The following RAD54L2 variants were observed in gnomAD, a reference collection of about 807,000 sequenced individuals.
The protein encoded by RAD54L2 is helicase ARIP4.
RAD54L2 carries 27 observed loss-of-function variants against 138.4 expected under a neutral mutation model. That is an observed-to-expected ratio of 0.20 (90% CI 0.14 to 0.27). RAD54L2 has a LOEUF of 0.27. RAD54L2 is among the 10% of genes least tolerant of loss of function. The pLI, the probability that RAD54L2 is intolerant of heterozygous loss-of-function variation, is 1.00. For missense variants in RAD54L2, 1,396 were observed against 1,890.2 expected, an observed-to-expected ratio of 0.74 and a Z score of 4.85; for synonymous variants, 644 against 723.2, an observed-to-expected ratio of 0.89 and a Z score of 1.76.
intron 15 of RAD54L2, 82 bp downstream of exon 15, chr3:51,641,949 T>G: frequency 1.0e-6 from 1 of 965,246 alleles, no homozygotes; most frequent in Non-Finnish European, 1.6e-6. Context: ...TTTCTCTTTC[T>G]CCACTCCATC....
chr3:51,607,070 TTTTTTTTATTTTTTTA>T (rs1367107953), intron 3 of RAD54L2, among the ~76,000 whole-genome samples: 1 of 143,136 alleles, frequency 7.0e-6, no homozygotes, highest in African/African-American at 2.7e-5. Flanking sequence ...CTCTTTTTAT[TTTTTTTTATTTTTTTA>T]TTTTTTATTT....
chr3:51,590,603 C>T, intron 3 of RAD54L2, 44 bp downstream of exon 3: 3 of 1,552,268 alleles, frequency 1.9e-6, no homozygotes, highest in South Asian at 1.2e-5. Flanking sequence ...TTATATTTTC[C>T]TCCAGTGGAA....
Position 51,635,607 on chromosome 3 carries a change from G to A in RAD54L2, c.1157G>A (p.Arg386His), listed in dbSNP as rs1401928784. ...TCATCTTGCAGGACGATGGCATCTC[G>A]TGCTAAAGTGATGGCTGATTGGGTG... ...LNDEHKTMASRAKVMADWVSE... is the reference protein window; with the variant it reads ...LNDEHKTMASHAKVMADWVSE... The change falls in exon 10 of 23, where the codon CGT becomes CAT. Residue 386 changes from arginine (R) to histidine (H), a missense_variant. Around this residue, in one of 7 missense-constraint regions of RAD54L2, gnomAD observed 169 missense variants for 235.6 expected, o/e 0.72. Coordinates refer to ENST00000684192, the MANE Select transcript of RAD54L2 (RefSeq NM_015106.4). 4 of 1,609,670 alleles carry A rather than the reference G, an allele frequency of 2.5e-6. No homozygotes were observed. Among genetic ancestry groups the A allele is most frequent in the Non-Finnish European group, 2.5e-6 (3 of 1,178,300 alleles).
intron 19 of RAD54L2, among the ~76,000 whole-genome samples, chr3:51,651,069 A>C (rs1371839504): frequency 6.6e-6 from 1 of 152,150 alleles, no homozygotes; most frequent in East Asian, 1.9e-4. Flanking sequence ...AGAGAGAAGA[A>C]TCAAATAGAT....
intron 3 of RAD54L2, among the ~76,000 whole-genome samples, chr3:51,596,130 G>C: frequency 4.3e-3 from 2 of 462 alleles, no homozygotes; most frequent in East Asian, 0.17. Context: ...GTTTCACCAT[G>C]TTGGCTGGGC....
intron 1 of RAD54L2, chr3:51,541,109 T>C (rs1304966083): frequency 6.6e-6 from 1 of 151,778 alleles, no homozygotes; most frequent in Non-Finnish European, 1.5e-5. Flanking sequence ...TAAACGAACA[T>C]TTATTGCATT....
intron 2 of RAD54L2, among the ~76,000 whole-genome samples, chr3:51,581,860 T>A (rs904748542): frequency 1.3e-5 from 2 of 152,042 alleles, no homozygotes; most frequent in Admixed American, 1.3e-4. Flanking sequence ...CTTAGGGAAG[T>A]CTGAGGAAAG....
At chr3:51,629,856 C>CT in intron 5 of RAD54L2, among the ~76,000 whole-genome samples, 1 of 151,810 alleles carries the variant, frequency 6.6e-6, no homozygotes, top group Non-Finnish European at 1.5e-5. Context: ...GAGTGAGACT[C>CT]TATCTCAAAA....
chr3:51,616,060 T>C (rs1251690283), intron 3 of RAD54L2, among the ~76,000 whole-genome samples: 1 of 152,204 alleles, frequency 6.6e-6, no homozygotes, highest in African/African-American at 2.4e-5. Context: ...TACATTCATA[T>C]TTTTCAAGAT....
At chr3:51,623,747 G>A (rs1559640482) in intron 3 of RAD54L2, among the ~76,000 whole-genome samples, 3 of 151,860 alleles carry the variant, frequency 2.0e-5, no homozygotes, top group Non-Finnish European at 2.9e-5. Flanking sequence ...AGGCTGAGGC[G>A]GGTGGATCAC....
intron 2 of RAD54L2, among the ~76,000 whole-genome samples, chr3:51,553,876 GT>G (rs1337386553): frequency 7.2e-5 from 11 of 152,136 alleles, no homozygotes; most frequent in Admixed American, 5.9e-4. Context: ...AGTCTATTAA[GT>G]TCCTAATAGC....
rs371674183 is a variant in RAD54L2, at chr3:51,630,946, G to A, written c.825+15G>A. ...AACCTCATCAGGTACAGCAAACCTT[G>A]ACTGTTTTCTCCTTTTCCTTTTTGT... is the stretch of plus-strand genomic sequence containing the variant. On this transcript the variant is annotated intron_variant, in intron 7 of 22. Coordinates refer to ENST00000684192, the MANE Select transcript of RAD54L2 (RefSeq NM_015106.4). 2 of 1,589,996 alleles carry A rather than the reference G, an allele frequency of 1.3e-6. No homozygotes were observed. Among genetic ancestry groups the A allele is most frequent in the Non-Finnish European group, 1.7e-6 (2 of 1,159,768 alleles).
chr3:51,592,159 G>T (rs891358892), intron 3 of RAD54L2, among the ~76,000 whole-genome samples: 5 of 131,736 alleles, frequency 3.8e-5, no homozygotes, highest in Non-Finnish European at 4.6e-5. Flanking sequence ...TCACCTCCTG[G>T]TTCAAGCGAT....
At chr3:51,596,075 T>C (rs775180799) in intron 3 of RAD54L2, among the ~76,000 whole-genome samples, 7 of 7,556 alleles carry the variant, frequency 9.3e-4, no homozygotes, top group Non-Finnish European at 1.5e-3. Context: ...ACTACAGGTG[T>C]GCGTCACCAT....
rs759432554 is a variant in RAD54L2 at position 51,655,925 on chromosome 3, A to G, written c.3027-46A>G. The stretch of plus-strand genomic sequence containing the variant: ...CTCTGTAGCCTTTGGAAAAGGTAAC[A>G]GTTGTTCTGCCAAACTCTTTTAGTG... On this transcript the variant is annotated intron_variant, in intron 19 of 22. Coordinates refer to ENST00000684192, the MANE Select transcript of RAD54L2 (RefSeq NM_015106.4). 41 of 1,512,234 alleles carry G rather than the reference A, an allele frequency of 2.7e-5. 2 individuals are homozygous for G. In the South Asian group the frequency reaches 4.9e-4, roughly 18 times the overall value. The allele number at this position is 1,512,234 out of a possible 1,614,324, so 93.7% of individuals were successfully genotyped here.
chr3:51,545,475 C>T (rs892844779), intron 2 of RAD54L2, among the ~76,000 whole-genome samples: 2 of 152,196 alleles, frequency 1.3e-5, no homozygotes, highest in Admixed American at 6.5e-5. Flanking sequence ...CAGGCGTGAG[C>T]CATGATGCCT....
chr3:51,612,138 G>A (rs1217780154), intron 3 of RAD54L2, among the ~76,000 whole-genome samples: 5 of 152,180 alleles, frequency 3.3e-5, no homozygotes, highest in Non-Finnish European at 7.3e-5. Flanking sequence ...TAATGAAGTT[G>A]AGTGATTGGA....
In RAD54L2 at chr3:51,538,788, C is replaced by T. The variant is rs955577269; in HGVS notation, c.-244C>T. The stretch of plus-strand genomic sequence containing the variant: ...CCAGCCCGCGGCGCCCGGGCCTGGC[C>T]GGCTGCTTCCCGCCTCAGCCGCCGC... On this transcript the variant is annotated 5_prime_UTR_variant, in exon 1 of 23. Transcript: ENST00000684192. Among the ~76,000 whole-genome samples the T allele has an allele frequency of 2.0e-5, 3 of 151,700 alleles. No individual in the cohort carries two copies. In the South Asian group the frequency reaches 6.2e-4, roughly 31 times the overall value.
At chr3:51,578,064 T>C (rs1699519314) in intron 2 of RAD54L2, among the ~76,000 whole-genome samples, 1 of 152,184 alleles carries the variant, frequency 6.6e-6, no homozygotes, top group Non-Finnish European at 1.5e-5. Flanking sequence ...ATTTATATTC[T>C]GTACTCAATG....
Sources: allele counts gnomAD v4.1 joint callset (sites outside exome capture counted in the v4.1 genomes callset), GRCh38; gene constraint gnomAD v4.1.1; regional missense constraint gnomAD v4.1.1; transcripts MANE v1.5; gene names NCBI Gene and HGNC (gene_info 2026-07-23, HGNC 2026-07-21).